PADI1: variants seen among roughly 807,000 people sequenced by gnomAD.
The protein encoded by PADI1 is protein-arginine deiminase type-1.
In PADI1, 65 loss-of-function variants were observed where a neutral mutation model predicts 74.8. The ratio of observed to expected loss-of-function variants is 0.87; its 90% CI spans 0.71 to 1.07. The LOEUF (loss-of-function observed/expected upper bound fraction) is 1.07. PADI1 is among the 50% of genes least tolerant of loss of function. PADI1 has a pLI of 0.00. For missense variants in PADI1, 943 were observed against 854.0 expected, an observed-to-expected ratio of 1.10 and a Z score of -1.30; for synonymous variants, 371 against 336.2, an observed-to-expected ratio of 1.10 and a Z score of -1.13.
intron 1 of PADI1, among the ~76,000 whole-genome samples, chr1:17,212,846 C>A (rs1400225887): frequency 6.6e-6 from 1 of 152,052 alleles, no homozygotes; most frequent in Non-Finnish European, 1.5e-5. Flanking sequence ...ACAGGCACCA[C>A]CCCCCTCGCC....
chr1:17,216,661 G>A (rs1207205578), intron 1 of PADI1, among the ~76,000 whole-genome samples: 1 of 152,016 alleles, frequency 6.6e-6, no homozygotes, highest in Non-Finnish European at 1.5e-5. Flanking sequence ...ACTTGAGGTC[G>A]GGAGTTCAAG....
Position 17,241,840 on chromosome 1 carries a change from A to G in PADI1, c.1758+1080A>G, listed in dbSNP as rs546693429. Among the ~76,000 whole-genome samples the G allele has an allele frequency of 1.6e-3, 223 of 138,946 alleles. 4 individuals carry two copies. The highest frequency in any genetic ancestry group is 5.2e-3 in the African/African-American group (186 of 35,720). 91.2% of individuals were successfully genotyped at this position (138,946 alleles called of 152,430 possible). A position where few individuals can be genotyped will look rare whatever the true frequency, so the allele number is the denominator to read the frequency against. On this transcript the variant is annotated intron_variant, in intron 15 of 15. Coordinates refer to ENST00000375471, the MANE Select transcript of PADI1 (RefSeq NM_013358.3). ...GTTGGAAGTGAATGTCGGAATCGGG[A>G]TGGAATCAGGGTTGGAAGTGAATGT...
intron 15 of PADI1, among the ~76,000 whole-genome samples, chr1:17,243,158 C>T (rs2072811885): frequency 6.6e-6 from 1 of 152,212 alleles, no homozygotes; most frequent in Non-Finnish European, 1.5e-5. Flanking sequence ...AGGGTCACCC[C>T]TTATGACCTC....
intron 1 of PADI1, among the ~76,000 whole-genome samples, chr1:17,211,692 C>T (rs1177236174): frequency 6.6e-6 from 1 of 152,196 alleles, no homozygotes; most frequent in Non-Finnish European, 1.5e-5. Context: ...TGAGACTCTT[C>T]TATGTTGCTG....
chr1:17,206,690 T>C (rs1311774836), intron 1 of PADI1, among the ~76,000 whole-genome samples: 20 of 135,036 alleles, frequency 1.5e-4, no homozygotes, highest in African/African-American at 4.6e-4. Context: ...TTTCTTTTTT[T>C]TTTTTTTTTT....
At chr1:17,211,248 C>T (rs1234119510) in intron 1 of PADI1, among the ~76,000 whole-genome samples, 1 of 151,928 alleles carries the variant, frequency 6.6e-6, no homozygotes, top group Admixed American at 6.6e-5. Flanking sequence ...CTTGCTCTGT[C>T]ACCCAGGCTG....
chr1:17,228,638 C>G lies in PADI1; in HGVS notation c.666C>G (p.Leu222=). ...TGTTCTTCCTAGGTGGGAATTCTCTCTCGGACTACAAACAGGTGCTGGGGC... is the reference window on the plus strand; with the variant it reads ...TGTTCTTCCTAGGTGGGAATTCTCTGTCGGACTACAAACAGGTGCTGGGGC... ...RVFCARGGNS[L]SDYKQVLGPQ... Residue 222 remains leucine, a synonymous_variant, in exon 7 of 16, where the codon CTC becomes CTG. Transcript: ENST00000375471. The G allele has an allele frequency of 6.2e-7, 1 of 1,614,220 alleles. No individual in the cohort carries two copies. The highest frequency in any genetic ancestry group is 8.5e-7 in the Non-Finnish European group (1 of 1,180,026).
rs750845481 is a variant in PADI1, at chr1:17,222,411, A to G, written c.214A>G (p.Thr72Ala). ...PIGKARWPLD[T>A]DADMVVSVGT... is the part of the protein sequence containing the mutation. ...AGGCAAGGCCCGTTGGCCGCTAGAC[A>G]CTGATGCAGACATGGTCGTATCTGT... The change falls in exon 2 of 16, where the codon ACT becomes GCT. Residue 72 changes from threonine (T) to alanine (A), a missense_variant. Thr to Ala is a moderately conservative substitution (Grantham distance 58). Transcript: ENST00000375471. The G allele has an allele frequency of 4.3e-6, 7 of 1,614,136 alleles. No homozygotes were observed. The South Asian group carries it at 4.4e-5, about 10-fold the overall frequency.
chr1:17,229,058 C>A lies in PADI1; in HGVS notation c.929+7C>A, dbSNP rs1385870406. ...AGGAGCTGTATGTGTGCAGGTGAGG[C>A]TCCCTCCCTCCAGCCCTCCCCCAAG... On this transcript the variant is annotated splice_region_variant and intron_variant, in intron 8 of 15. Transcript: ENST00000375471. 5 of 1,519,842 alleles carry A rather than the reference C, an allele frequency of 3.3e-6. No homozygotes were observed. The highest frequency in any genetic ancestry group is 4.5e-6 in the Non-Finnish European group (5 of 1,116,860). 94.1% of individuals were successfully genotyped at this position (1,519,842 alleles called of 1,614,324 possible). A position where few individuals can be genotyped will look rare whatever the true frequency, so the allele number is the denominator to read the frequency against.
rs1019163193 is a variant in PADI1, at chr1:17,238,500, C to T, written c.1459-116C>T. 1.0e-4 allele frequency: 45 copies of T among 450,350 alleles called. No individual in the cohort carries two copies. The Admixed American group carries it at 1.5e-3, about 15-fold the overall frequency. 27.9% of individuals were successfully genotyped at this position (450,350 alleles called of 1,614,324 possible). On this transcript the variant is annotated intron_variant, in intron 12 of 15. Coordinates refer to ENST00000375471, the MANE Select transcript of PADI1 (RefSeq NM_013358.3). ...AGTGCTTTGTGGCTGGGGTGTAGAC[C>T]GAGTGGGAGAGGGGAGTCCCAAGAA...
chr1:17,231,783 A>G (rs562807194), intron 10 of PADI1, among the ~76,000 whole-genome samples: 124 of 151,706 alleles, frequency 8.2e-4, no homozygotes, highest in African/African-American at 2.9e-3. Context: ...ATGTATATAT[A>G]TATTTTTTAT....
chr1:17,210,094 C>T (rs187806317), intron 1 of PADI1, among the ~76,000 whole-genome samples: 45 of 152,284 alleles, frequency 3.0e-4, no homozygotes, highest in Middle Eastern at 3.4e-3. Flanking sequence ...CCCACCTCGG[C>T]CTCCCAAAGT....
At chr1:17,208,381 C>T (rs905495605) in intron 1 of PADI1, among the ~76,000 whole-genome samples, 42 of 152,134 alleles carry the variant, frequency 2.8e-4, no homozygotes, top group Admixed American at 4.6e-4. Context: ...CATCCCCACA[C>T]CCCAGTAGGC....
intron 6 of PADI1, 138 bp downstream of exon 6, chr1:17,226,296 A>C: frequency 2.2e-6 from 2 of 912,172 alleles, no homozygotes; most frequent in Non-Finnish European, 3.4e-6. Context: ...TCAGTACCAA[A>C]TATAGTCCTC....
At position 17,206,683 on chromosome 1, in the gene PADI1, C is replaced by CTT. The variant is rs796276122; in HGVS notation, c.92+1394_92+1395dup. Among the ~76,000 whole-genome samples, 245 of 109,736 alleles carry CTT rather than the reference C, an allele frequency of 2.2e-3. 2 individuals are homozygous for CTT. Among genetic ancestry groups the CTT allele is most frequent in the Non-Finnish European group, 3.8e-3 (200 of 52,602 alleles). 72.0% of individuals were successfully genotyped at this position (109,736 alleles called of 152,430 possible). Reference sequence around the variant, plus strand: ...AAGCTGAAGTCTTTTTTTTCTTTTTCTTTTTTTTTTTTTTTTTTTTTGAGA... The same window carrying CTT: ...AAGCTGAAGTCTTTTTTTTCTTTTTCTTTTTTTTTTTTTTTTTTTTTTTGAGA... On this transcript the variant is annotated intron_variant, in intron 1 of 15. Coordinates refer to ENST00000375471, the MANE Select transcript of PADI1 (RefSeq NM_013358.3).
chr1:17,235,261 GGGAA>G (rs377234912), intron 11 of PADI1, among the ~76,000 whole-genome samples: 4 of 72,996 alleles, frequency 5.5e-5, no homozygotes, highest in African/African-American at 6.4e-5. Context: ...GAGGGAGGAA[GGGAA>G]GGAAGGAAGG....
chr1:17,222,247 A>G, intron 1 of PADI1, 43 bp from the exon 2 acceptor site: 1 of 1,497,268 alleles, frequency 6.7e-7, no homozygotes, highest in Non-Finnish European at 9.3e-7. Context: ...CCCTGAAGAG[A>G]GATGGGAAGA....
chr1:17,223,496 A>G (rs1046326418), intron 2 of PADI1, 125 bp from the exon 3 acceptor site: 1 of 733,572 alleles, frequency 1.4e-6, no homozygotes, highest in Non-Finnish European at 2.3e-6. Flanking sequence ...GGGACTTCAG[A>G]GACTGGGGGG....
chr1:17,211,880 G>A (rs181423995), intron 1 of PADI1, among the ~76,000 whole-genome samples: 16 of 152,344 alleles, frequency 1.1e-4, no homozygotes, highest in Middle Eastern at 3.4e-3. Context: ...AGGGGCCATG[G>A]GGATGGAATC....
Sources: gnomAD v4.1 joint callset for allele counts (sites outside exome capture counted in the v4.1 genomes callset) on GRCh38, gnomAD v4.1.1 for gene constraint, MANE v1.5 for transcripts, NCBI Gene and HGNC (gene_info 2026-07-23, HGNC 2026-07-21) for gene names.